Variants in MED13L observed in about 807,000 individuals in gnomAD.
The protein encoded by MED13L is mediator of RNA polymerase II transcription subunit 13-like.
In MED13L, 7 loss-of-function variants were observed where a neutral mutation model predicts 220.9. The ratio of observed to expected loss-of-function variants is 0.03; its 90% CI spans 0.02 to 0.06. MED13L has a LOEUF of 0.06. Among genes scored for constraint, MED13L ranks in the 10% least tolerant of loss-of-function variants. The probability of loss-of-function intolerance (pLI) is 1.00; values close to 1 mark genes in which losing one functional copy is unlikely to be tolerated. For missense variants in MED13L, 1,965 were observed against 2,760.5 expected (o/e 0.71, Z 6.46); for synonymous variants, 1,011 against 1,015.2 (o/e 1.00, Z 0.08).
intron 1 of MED13L, among the ~76,000 whole-genome samples, chr12:116,247,677 A>G (rs150646912): frequency 1.3e-4 from 19 of 151,164 alleles, no homozygotes; most frequent in African/African-American, 4.1e-4. Flanking sequence ...GTCATATATA[A>G]AAGATGCTAA....
At chr12:116,101,965 T>C (rs923742485) in intron 3 of MED13L, among the ~76,000 whole-genome samples, 2 of 152,296 alleles carry the variant, frequency 1.3e-5, no homozygotes, top group Middle Eastern at 3.4e-3. Flanking sequence ...TATCCAAATA[T>C]GATATAATGC....
In MED13L at chr12:115,994,907, A is replaced by G. The variant is rs546407253; in HGVS notation, c.2996+1569T>C. On this transcript the variant is annotated intron_variant, in intron 16 of 30. Transcript: ENST00000281928. ...TACTTCTACAGTCATTAGTCGTTGA[A>G]GCATTGTGGAAGTCCTGTGCGGGAG... Among the ~76,000 whole-genome samples, 7 of 152,316 alleles carry G rather than the reference A, an allele frequency of 4.6e-5. No individual in the cohort carries two copies. In the South Asian group the frequency reaches 1.4e-3, roughly 32 times the overall value.
At chr12:116,051,116 G>A (rs1592988366) in intron 4 of MED13L, among the ~76,000 whole-genome samples, 1 of 152,072 alleles carries the variant, frequency 6.6e-6, no homozygotes, top group Non-Finnish European at 1.5e-5. Flanking sequence ...GAAATGGGTT[G>A]TTTATAGATT....
At chr12:116,085,184 C>T (rs898096836) in intron 4 of MED13L, among the ~76,000 whole-genome samples, 1 of 152,134 alleles carries the variant, frequency 6.6e-6, no homozygotes, top group Admixed American at 6.5e-5. Context: ...ATTTCTACTA[C>T]AAGAATTGCA....
intron 3 of MED13L, among the ~76,000 whole-genome samples, chr12:116,097,012 C>A (rs1872687848): frequency 1.3e-5 from 2 of 152,178 alleles, no homozygotes; most frequent in African/African-American, 4.8e-5. Flanking sequence ...ATTTCTAAAA[C>A]ATCTTACGCT....
intron 4 of MED13L, among the ~76,000 whole-genome samples, chr12:116,070,724 C>T (rs765081377): frequency 2.0e-5 from 3 of 152,138 alleles, no homozygotes; most frequent in Non-Finnish European, 2.9e-5. Flanking sequence ...ATATAAAGTA[C>T]ACAAGTACAT....
intron 2 of MED13L, among the ~76,000 whole-genome samples, chr12:116,208,848 T>C (rs909931112): frequency 1.3e-5 from 2 of 152,134 alleles, no homozygotes; most frequent in Non-Finnish European, 2.9e-5. Context: ...TGTGCACCTG[T>C]GGTCTAGCTA....
intron 22 of MED13L, chr12:115,982,171 T>C: frequency 1.7e-6 from 1 of 571,698 alleles, no homozygotes; most frequent in Non-Finnish European, 3.1e-6. Flanking sequence ...ATAAATTTTA[T>C]GTTTAGACTT....
intron 2 of MED13L, among the ~76,000 whole-genome samples, chr12:116,176,023 A>G (rs574552718): frequency 6.6e-6 from 1 of 152,308 alleles, no homozygotes; most frequent in East Asian, 1.9e-4. Context: ...ACAGGCAACC[A>G]GGGAAGCTAT....
At chr12:116,255,981 CT>C (rs1304089531) in intron 1 of MED13L, among the ~76,000 whole-genome samples, 1 of 152,152 alleles carries the variant, frequency 6.6e-6, no homozygotes, top group Non-Finnish European at 1.5e-5. Flanking sequence ...ATCCAAAACA[CT>C]TGTGGTTCCA....
intron 4 of MED13L, among the ~76,000 whole-genome samples, chr12:116,065,971 GAGA>G (rs199907287): frequency 0.012 from 1,873 of 152,344 alleles, 41 homozygotes; most frequent in African/African-American, 0.042. Flanking sequence ...TGCCTTGTGT[GAGA>G]AGGAGCTATA....
chr12:116,274,710 T>C (rs1279508707), intron 1 of MED13L, among the ~76,000 whole-genome samples: 3 of 151,924 alleles, frequency 2.0e-5, no homozygotes, highest in African/African-American at 7.2e-5. Flanking sequence ...ACACTCCACG[T>C]ACAAGAGAAT....
At chr12:115,999,907 A>G (rs527614209) in intron 14 of MED13L, among the ~76,000 whole-genome samples, 1 of 152,362 alleles carries the variant, frequency 6.6e-6, no homozygotes, top group African/African-American at 2.4e-5. Context: ...GTCACTTTAT[A>G]AAGTGGTCTT....
At chr12:116,118,666 T>C (rs1483568368) in intron 2 of MED13L, among the ~76,000 whole-genome samples, 1 of 152,210 alleles carries the variant, frequency 6.6e-6, no homozygotes, top group Non-Finnish European at 1.5e-5. Flanking sequence ...AGGAGCAGCA[T>C]ATGTTTCAAT....
intron 2 of MED13L, among the ~76,000 whole-genome samples, chr12:116,188,916 C>A (rs1396823730): frequency 3.9e-5 from 6 of 151,952 alleles, no homozygotes; most frequent in Non-Finnish European, 7.4e-5. Context: ...CTTTTGTTAC[C>A]CAGTAGTATT....
chr12:116,020,735 G>A (rs1224791847), intron 5 of MED13L, among the ~76,000 whole-genome samples: 3 of 152,076 alleles, frequency 2.0e-5, no homozygotes, highest in African/African-American at 7.2e-5. Flanking sequence ...AGTTAATATA[G>A]TACTGTGAAT....
intron 4 of MED13L, among the ~76,000 whole-genome samples, chr12:116,024,623 T>A (rs1395131333): frequency 6.6e-6 from 1 of 152,134 alleles, no homozygotes; most frequent in Admixed American, 6.6e-5. Context: ...CAGAAGCTTT[T>A]TACTTTGATA....
rs1237901951 is a variant in MED13L at position 115,983,098 on chromosome 12, C to T, written c.4955+19G>A. On this transcript the variant is annotated intron_variant, in intron 21 of 30. Transcript: ENST00000281928. ...GGGTCTGAGCTGAAGCCACTCATCTCAATTAGTGAATAACATACCTCTCTT... is the reference window on the plus strand; with the variant it reads ...GGGTCTGAGCTGAAGCCACTCATCTTAATTAGTGAATAACATACCTCTCTT... The T allele has an allele frequency of 6.2e-7, 1 of 1,612,384 alleles. No homozygotes were observed. The highest frequency in any genetic ancestry group is 8.5e-7 in the Non-Finnish European group (1 of 1,179,014).
intron 4 of MED13L, among the ~76,000 whole-genome samples, chr12:116,042,509 T>C (rs1881593887): frequency 6.6e-6 from 1 of 152,208 alleles, no homozygotes; most frequent in African/African-American, 2.4e-5. Flanking sequence ...AGATGAGATG[T>C]GGTGAGACAA....
Sources: gnomAD v4.1 joint callset for allele counts (sites outside exome capture counted in the v4.1 genomes callset) on GRCh38, gnomAD v4.1.1 for gene constraint, MANE v1.5 for transcripts, NCBI Gene and HGNC (gene_info 2026-07-23, HGNC 2026-07-21) for gene names.